Variants in GPAT3 observed in about 807,000 individuals in gnomAD.
GPAT3 encodes glycerol-3-phosphate acyltransferase 3.
Under a neutral mutation model 58.8 loss-of-function variants are expected in GPAT3, and 53 were observed. The ratio of observed to expected loss-of-function variants is 0.90; its 90% confidence interval spans 0.72 to 1.13. The LOEUF (loss-of-function observed/expected upper bound fraction) is 1.13. GPAT3 is among the 50% of genes most tolerant of loss of function. GPAT3 has a pLI of 0.00. For synonymous variants in GPAT3, 197 were observed against 187.4 expected (o/e 1.05, Z -0.42); for missense variants, 511 against 527.6 (o/e 0.97, Z 0.31).
At chr4:83,573,952 A>G (rs968922972) in intron 2 of GPAT3, among the ~76,000 whole-genome samples, 1 of 152,194 alleles carries the variant, frequency 6.6e-6, no homozygotes, top group Non-Finnish European at 1.5e-5. Flanking sequence ...ATTTAGGACT[A>G]TATTTTTGTC....
chr4:83,577,540 A>G (rs1265830492), intron 2 of GPAT3, among the ~76,000 whole-genome samples: 2 of 152,202 alleles, frequency 1.3e-5, no homozygotes, highest in Non-Finnish European at 2.9e-5. Flanking sequence ...ATAAAGATAG[A>G]ACAATAAAGC....
chr4:83,599,682 A>G (rs142005581), intron 11 of GPAT3, among the ~76,000 whole-genome samples: 1 of 152,296 alleles, frequency 6.6e-6, no homozygotes, highest in Admixed American at 6.5e-5. Flanking sequence ...GAAATATTTT[A>G]GTTATGGATC....
chr4:83,587,410 T>C, intron 4 of GPAT3, 81 bp downstream of exon 4: 1 of 1,183,284 alleles, frequency 8.5e-7, no homozygotes, highest in Non-Finnish European at 1.2e-6. Flanking sequence ...ATTTGTTTGA[T>C]TCCTATGTAT....
intron 2 of GPAT3, among the ~76,000 whole-genome samples, chr4:83,569,237 AG>A (rs1246428363): frequency 6.6e-6 from 1 of 152,208 alleles, no homozygotes; most frequent in African/African-American, 2.4e-5. Context: ...TCCATGCAAA[AG>A]TAAGTACAGG....
chr4:83,560,219 A>T (rs909240522), intron 2 of GPAT3, among the ~76,000 whole-genome samples: 1 of 152,158 alleles, frequency 6.6e-6, no homozygotes, highest in African/African-American at 2.4e-5. Context: ...CAGGGAGCAA[A>T]CCAGTAGACC....
intron 11 of GPAT3, among the ~76,000 whole-genome samples, chr4:83,600,493 T>C (rs1248908528): frequency 7.5e-6 from 1 of 132,770 alleles, no homozygotes; most frequent in Non-Finnish European, 1.7e-5. Context: ...TACATTATAA[T>C]GGGGGATTGA....
At chr4:83,566,787 G>A (rs1725408905) in intron 2 of GPAT3, among the ~76,000 whole-genome samples, 1 of 147,348 alleles carries the variant, frequency 6.8e-6, no homozygotes, top group South Asian at 2.1e-4. Flanking sequence ...CATTTGTTTA[G>A]CTTTTCTTTT....
At position 83,605,395 on chromosome 4, in the gene GPAT3, T is replaced by C. The variant is rs1287484377; in HGVS notation, c.*628T>C. On this transcript the variant is annotated 3_prime_UTR_variant, in exon 12 of 12. Transcript: ENST00000264409. Reference sequence around the variant, plus strand: ...GTTAATGTGTGTGCGCATTTATATGTAGGCAGCTCGTAGACCACATTTTAA... The same window carrying C: ...GTTAATGTGTGTGCGCATTTATATGCAGGCAGCTCGTAGACCACATTTTAA... The C allele has an allele frequency of 6.6e-6, 1 of 152,114 alleles. No homozygotes were observed. Among genetic ancestry groups the C allele is most frequent in the Non-Finnish European group, 1.5e-5 (1 of 68,052 alleles). 9.4% of individuals were successfully genotyped at this position (152,114 alleles called of 1,614,324 possible).
At chr4:83,576,806 T>C (rs1468230837) in intron 2 of GPAT3, among the ~76,000 whole-genome samples, 1 of 152,150 alleles carries the variant, frequency 6.6e-6, no homozygotes, top group Non-Finnish European at 1.5e-5. Flanking sequence ...GAGTCATCAA[T>C]AGATGGTAAT....
At chr4:83,565,479 A>G (rs114707025) in intron 2 of GPAT3, among the ~76,000 whole-genome samples, 2,401 of 149,374 alleles carry the variant, frequency 0.016, 58 homozygotes, top group African/African-American at 0.056. Flanking sequence ...CTGTTATCAT[A>G]TTATCTTAAT....
intron 3 of GPAT3, among the ~76,000 whole-genome samples, chr4:83,583,694 A>AAAAAAAAAAAT (rs1560624652): frequency 6.6e-6 from 1 of 150,376 alleles, no homozygotes; most frequent in Non-Finnish European, 1.5e-5. Flanking sequence ...AAAAAAAAAA[A>AAAAAAAAAAAT]AAATGAAGCT....
At chr4:83,573,080 G>C (rs537865392) in intron 2 of GPAT3, among the ~76,000 whole-genome samples, 1 of 152,064 alleles carries the variant, frequency 6.6e-6, no homozygotes, top group Non-Finnish European at 1.5e-5. Context: ...ATATTCCTGG[G>C]ATCTGTCCTT....
intron 2 of GPAT3, among the ~76,000 whole-genome samples, chr4:83,568,399 T>C (rs896112526): frequency 2.6e-5 from 4 of 152,224 alleles, no homozygotes; most frequent in African/African-American, 9.6e-5. Context: ...TTTCATTTTA[T>C]GGACCTATTG....
intron 1 of GPAT3, among the ~76,000 whole-genome samples, chr4:83,538,217 A>C (rs1331431083): frequency 6.6e-6 from 1 of 152,108 alleles, no homozygotes; most frequent in East Asian, 1.9e-4. Flanking sequence ...TGTACTTGCT[A>C]GCCTCCTGTA....
At position 83,536,279 on chromosome 4, in the gene GPAT3, T is replaced by TGCGCTCGC. The variant is rs1724077846; in HGVS notation, c.-337_-330dup. 1.2e-5 allele frequency: 13 copies of TGCGCTCGC among 1,043,058 alleles called. No homozygotes were observed. The highest frequency in any genetic ancestry group is 1.5e-5 in the Non-Finnish European group (13 of 867,780). 64.6% of individuals were successfully genotyped at this position (1,043,058 alleles called of 1,614,324 possible). On this transcript the variant is annotated 5_prime_UTR_variant, in exon 1 of 12. Coordinates refer to ENST00000264409, the MANE Select transcript of GPAT3 (RefSeq NM_032717.5). ...GCACCGGGCGGGGCGGGTTCCTGGCTGCGCTCGCGCGCTCTGCCCGCGCCG... is the reference window on the plus strand; with the variant it reads ...GCACCGGGCGGGGCGGGTTCCTGGCTGCGCTCGCGCGCTCGCGCGCTCTGCCCGCGCCG...
At position 83,588,215 on chromosome 4, in the gene GPAT3, A is replaced by G; in HGVS notation, c.560A>G (p.Lys187Arg). The G allele has an allele frequency of 6.2e-7, 1 of 1,614,006 alleles. No homozygotes were observed. The highest frequency in any genetic ancestry group is 8.5e-7 in the Non-Finnish European group (1 of 1,179,932). The change falls in exon 5 of 12, where the codon AAA becomes AGA. Residue 187 changes from lysine to arginine, a missense_variant. Lys to Arg is a conservative substitution (Grantham distance 26). Coordinates refer to ENST00000264409, the MANE Select transcript of GPAT3 (RefSeq NM_032717.5). Reference protein sequence around the residue: ...LVGQLPDSSLKNWLSELVHLT... With the variant: ...LVGQLPDSSLRNWLSELVHLT... Reference sequence around the variant, plus strand: ...AATGTTTCTATTTCCTTCAGCCTCAAAAACTGGCTGAGTGAACTGGTCCAT... The same window carrying G: ...AATGTTTCTATTTCCTTCAGCCTCAGAAACTGGCTGAGTGAACTGGTCCAT...
At chr4:83,603,143 TAAAC>T (rs1560636336) in intron 11 of GPAT3, among the ~76,000 whole-genome samples, 1 of 152,210 alleles carries the variant, frequency 6.6e-6, no homozygotes, top group Non-Finnish European at 1.5e-5. Context: ...GGGTTAAAAT[TAAAC>T]AGTCAGAGTA....
chr4:83,590,057 C>A, intron 5 of GPAT3, 142 bp from the exon 6 acceptor site: 1 of 614,736 alleles, frequency 1.6e-6, no homozygotes, highest in Non-Finnish European at 2.7e-6. Flanking sequence ...TGCACCAATG[C>A]ACTCCAGCCT....
intron 6 of GPAT3, among the ~76,000 whole-genome samples, chr4:83,592,628 TAGAC>T (rs1726646590): frequency 6.6e-6 from 1 of 152,208 alleles, no homozygotes; most frequent in African/African-American, 2.4e-5. Flanking sequence ...TTTTTCCCTC[TAGAC>T]AAAGACCTCT....
Sources: allele counts gnomAD v4.1 joint callset (sites outside exome capture counted in the v4.1 genomes callset), GRCh38; gene constraint gnomAD v4.1.1; transcripts MANE v1.5; gene names NCBI Gene and HGNC (gene_info 2026-07-23, HGNC 2026-07-21).